The following TREML2 variants were observed in gnomAD, a reference collection of about 807,000 sequenced individuals.
The protein encoded by TREML2 is trem-like transcript 2 protein.
In TREML2, 24 loss-of-function variants were observed where a neutral mutation model predicts 25.9. That is an observed-to-expected ratio of 0.93 (90% CI 0.67 to 1.30). The LOEUF is 1.30. TREML2 is among the 50% of genes most tolerant of loss of function. The probability of loss-of-function intolerance (pLI) is 0.00; values close to 1 mark genes in which losing one functional copy is unlikely to be tolerated. For synonymous variants in TREML2, 139 were observed against 155.2 expected (o/e 0.90, Z 0.77); for missense variants, 359 against 395.6 (o/e 0.91, Z 0.78).
intron 2 of TREML2, 29 bp from the exon 3 acceptor site, chr6:41,194,862 A>G (rs1241131217): frequency 6.5e-7 from 1 of 1,538,400 alleles, no homozygotes; most frequent in African/African-American, 1.4e-5. Context: ...GGAACGTTAG[A>G]TTGACTTGGG....
In TREML2 at chr6:41,201,062, C is replaced by A. The variant is rs1417156232; in HGVS notation, c.-54G>T. On this transcript the variant is annotated 5_prime_UTR_variant, in exon 1 of 5. Transcript: ENST00000483722. The stretch of plus-strand genomic sequence containing the variant: ...CTGGAGATCCAAGGTGAGGGCCCAC[C>A]CGACACAGGATGTGCCACCTGGGCC... The A allele has an allele frequency of 6.2e-7, 1 of 1,602,256 alleles. No individual in the cohort carries two copies.
rs769719631 is a variant in TREML2 at position 41,198,109 on chromosome 6, C to A, written c.376G>T (p.Ala126Ser). The A allele has an allele frequency of 5.0e-6, 8 of 1,588,194 alleles. No individual in the cohort carries two copies. Among genetic ancestry groups the A allele is most frequent in the Non-Finnish European group, 5.2e-6 (6 of 1,163,390 alleles). The change falls in exon 2 of 5, where the codon GCT becomes TCT. Residue 126 changes from alanine (A) to serine (S), a missense_variant and splice_region_variant. Physicochemically the swap from Ala to Ser is moderately conservative, Grantham distance 99. Transcript: ENST00000483722. ...CCCAGAGCCACTGCAGCCTGCTCAC[C>A]TGGAGACACATCCAGCTGGAAGCCC... ...LMGFQLDVSP[A>S]PQTERNIPFT...
chr6:41,192,592 G>GCTCTGC (rs1766085800), intron 4 of TREML2, 86 bp from the exon 5 acceptor site: 1 of 1,396,052 alleles, frequency 7.2e-7, no homozygotes, highest in Non-Finnish European at 1.0e-6. Context: ...CCCCTTTCTG[G>GCTCTGC]CTCTGCCTCT....
intron 3 of TREML2, 28 bp from the exon 4 acceptor site, chr6:41,192,929 G>A (rs1766094138): frequency 1.3e-6 from 2 of 1,520,500 alleles, no homozygotes; most frequent in Non-Finnish European, 8.8e-7. Flanking sequence ...GGTGGAAGCG[G>A]GTGAGCACCA....
chr6:41,200,876 G>T, intron 1 of TREML2, 78 bp downstream of exon 1: 1 of 1,272,104 alleles, frequency 7.9e-7, no homozygotes, highest in Non-Finnish European at 1.1e-6. Flanking sequence ...CTGCTGGTAA[G>T]GAGGGTAAGA....
chr6:41,194,091 C>G (rs1351272600), intron 3 of TREML2, among the ~76,000 whole-genome samples: 1 of 147,626 alleles, frequency 6.8e-6, no homozygotes, highest in Non-Finnish European at 1.5e-5. Flanking sequence ...TTTCACCTGA[C>G]CTTCCTCCTC....
chr6:41,199,733 C>T (rs1766242249), intron 1 of TREML2, among the ~76,000 whole-genome samples: 1 of 152,198 alleles, frequency 6.6e-6, no homozygotes, highest in Admixed American at 6.5e-5. Context: ...AAAAGACTCT[C>T]CCCCATAGTA....
At chr6:41,199,565 C>T (rs1200893376) in intron 1 of TREML2, among the ~76,000 whole-genome samples, 2 of 152,200 alleles carry the variant, frequency 1.3e-5, no homozygotes, top group Non-Finnish European at 2.9e-5. Flanking sequence ...AATCCACAGT[C>T]TGGTAGAGAC....
At chr6:41,198,034 T>C (rs573201319) in intron 2 of TREML2, 75 bp downstream of exon 2, 1 of 1,376,156 alleles carries the variant, frequency 7.3e-7, no homozygotes, top group African/African-American at 1.5e-5. Flanking sequence ...TTATCCTTAT[T>C]ATCTCTGATG....
chr6:41,192,666 C>T, intron 4 of TREML2, 135 bp downstream of exon 4: 1 of 1,135,268 alleles, frequency 8.8e-7, no homozygotes, highest in Non-Finnish European at 1.3e-6. Flanking sequence ...GCCCTCCTCC[C>T]CAGGTGGAAG....
chr6:41,195,553 T>C (rs145602297), intron 2 of TREML2, among the ~76,000 whole-genome samples: 3 of 152,246 alleles, frequency 2.0e-5, no homozygotes, highest in African/African-American at 4.8e-5. Context: ...AAGGGCCAAA[T>C]TGTCATCATG....
intron 4 of TREML2, 113 bp from the exon 5 acceptor site, chr6:41,192,619 T>C: frequency 8.0e-7 from 1 of 1,246,362 alleles, no homozygotes; most frequent in Non-Finnish European, 1.1e-6. Flanking sequence ...TTCCAGGTCA[T>C]CCCCTTAGGG....
chr6:41,200,879 G>T, intron 1 of TREML2, 75 bp downstream of exon 1: 1 of 1,302,290 alleles, frequency 7.7e-7, no homozygotes, highest in Non-Finnish European at 1.0e-6. Flanking sequence ...CTGGTAAGGA[G>T]GGTAAGAAAA....
chr6:41,192,969 C>T (rs991710419), intron 3 of TREML2, 68 bp from the exon 4 acceptor site: 30 of 1,310,698 alleles, frequency 2.3e-5, no homozygotes, highest in South Asian at 4.5e-5. Flanking sequence ...ACGTTGGGAT[C>T]GGACCAGCAG....
At chr6:41,197,682 ATTAT>A (rs1458805406) in intron 2 of TREML2, among the ~76,000 whole-genome samples, 1 of 152,150 alleles carries the variant, frequency 6.6e-6, no homozygotes, top group East Asian at 1.9e-4. Context: ...GTTTTCTGCA[ATTAT>A]TTGTCTGGAT....
Position 41,192,291 on chromosome 6 carries a change from T to C in TREML2, c.*136A>G. Reference sequence around the variant, plus strand: ...TGCTTAGGATGGCAGCCTCTGGGTTTGGGAAGTCCTGGGTGAGTCCAGCAC... The same window carrying C: ...TGCTTAGGATGGCAGCCTCTGGGTTCGGGAAGTCCTGGGTGAGTCCAGCAC... On this transcript the variant is annotated 3_prime_UTR_variant, in exon 5 of 5. Transcript: ENST00000483722. The C allele has an allele frequency of 1.4e-6, 1 of 712,384 alleles. No homozygotes were observed. Among genetic ancestry groups the C allele is most frequent in the Non-Finnish European group, 2.4e-6 (1 of 409,978 alleles). 44.1% of individuals were successfully genotyped at this position (712,384 alleles called of 1,614,324 possible).
intron 1 of TREML2, among the ~76,000 whole-genome samples, chr6:41,199,279 G>C (rs1017509795): frequency 2.0e-5 from 3 of 152,208 alleles, no homozygotes; most frequent in Non-Finnish European, 4.4e-5. Flanking sequence ...AGGTAGATAA[G>C]AAAATCTAGT....
At chr6:41,194,293 A>G in intron 3 of TREML2, 132 bp downstream of exon 3, 2 of 729,252 alleles carry the variant, frequency 2.7e-6, no homozygotes, top group Middle Eastern at 4.9e-4. Flanking sequence ...CCAGTCCCCC[A>G]CCTCACATTC....
In TREML2 at chr6:41,201,045, C is replaced by T. The variant is rs749894152; in HGVS notation, c.-37G>A. ...GCTGGGCAGTGTCAGGCCTGGAGAT[C>T]CAAGGTGAGGGCCCACCCGACACAG... On this transcript the variant is annotated 5_prime_UTR_variant, in exon 1 of 5. Transcript: ENST00000483722. 6.2e-7 allele frequency: 1 copy of T among 1,611,422 alleles called. No individual in the cohort carries two copies. The highest frequency in any genetic ancestry group is 1.7e-5 in the Admixed American group (1 of 59,698).
Sources: gnomAD v4.1 joint callset for allele counts (sites outside exome capture counted in the v4.1 genomes callset) on GRCh38, gnomAD v4.1.1 for gene constraint, MANE v1.5 for transcripts, NCBI Gene and HGNC (gene_info 2026-07-23, HGNC 2026-07-21) for gene names.